The following CSMD3 variants were observed in gnomAD, a reference collection of about 807,000 sequenced individuals.
The protein encoded by CSMD3 is CUB and Sushi multiple domains 3, also known as CUB and sushi domain-containing protein 3.
CSMD3 carries 177 observed loss-of-function variants against 435.2 expected under a neutral mutation model. The ratio of observed to expected loss-of-function variants is 0.41; its 90% confidence interval spans 0.36 to 0.46. The LOEUF (loss-of-function observed/expected upper bound fraction) is 0.46, where lower values mean the gene tolerates loss of function less well. Among genes scored for constraint, CSMD3 ranks in the 20% least tolerant of loss-of-function variants. CSMD3 has a pLI of 0.34. For synonymous variants in CSMD3, 1,656 were observed against 1,520.5 expected, an observed-to-expected ratio of 1.09 and a Z score of -2.07; for missense variants, 4,265 against 4,504.6, an observed-to-expected ratio of 0.95 and a Z score of 1.52.
intron 19 of CSMD3, among the ~76,000 whole-genome samples, chr8:112,646,629 T>G (rs2074987564): frequency 6.6e-6 from 1 of 152,236 alleles, no homozygotes; most frequent in African/African-American, 2.4e-5. Context: ...ATTTAAACAT[T>G]TAGGAGGAAT....
intron 1 of CSMD3, among the ~76,000 whole-genome samples, chr8:113,406,642 G>C (rs1479885960): frequency 1.3e-5 from 2 of 151,706 alleles, no homozygotes; most frequent in Admixed American, 6.6e-5. Flanking sequence ...ATAAAATGAG[G>C]GTGTGCAGAG....
At chr8:113,107,514 C>A (rs1269243672) in intron 4 of CSMD3, among the ~76,000 whole-genome samples, 1 of 152,210 alleles carries the variant, frequency 6.6e-6, no homozygotes, top group Non-Finnish European at 1.5e-5. Flanking sequence ...GTTGACCCTG[C>A]AGAACCCATG....
intron 4 of CSMD3, among the ~76,000 whole-genome samples, chr8:113,167,742 A>G (rs139947298): frequency 0.01 from 1,533 of 152,306 alleles, 20 homozygotes; most frequent in African/African-American, 0.035. Flanking sequence ...CTGATAAAAT[A>G]ATTCCATTAC....
chr8:113,276,568 C>T (rs879561880), intron 3 of CSMD3, among the ~76,000 whole-genome samples: 4 of 152,012 alleles, frequency 2.6e-5, no homozygotes, highest in African/African-American at 4.8e-5. Flanking sequence ...AATCAGAATA[C>T]GCCAGAAAGT....
In CSMD3 at chr8:112,234,815, C is replaced by T. The variant is rs1346861383; in HGVS notation, c.10628-338G>A. Among the ~76,000 whole-genome samples, 3 of 152,102 alleles carry T rather than the reference C, an allele frequency of 2.0e-5. No individual in the cohort carries two copies. In the East Asian group the frequency reaches 5.8e-4, roughly 29 times the overall value. On this transcript the variant is annotated intron_variant, in intron 67 of 70. Transcript: ENST00000297405. Reference sequence around the variant, plus strand: ...ACAATCAGATTCTAAAATTTTCAAGCATACAAATCCAGTGTTAAAATTCCT... The same window carrying T: ...ACAATCAGATTCTAAAATTTTCAAGTATACAAATCCAGTGTTAAAATTCCT...
chr8:112,418,864 C>T (rs1424183983), intron 32 of CSMD3, among the ~76,000 whole-genome samples: 5 of 152,112 alleles, frequency 3.3e-5, no homozygotes, highest in African/African-American at 1.2e-4. Flanking sequence ...AAATTTCACA[C>T]CCAATGTCAT....
chr8:113,094,899 G>A (rs1203915343), intron 5 of CSMD3, among the ~76,000 whole-genome samples: 3 of 151,722 alleles, frequency 2.0e-5, no homozygotes, highest in Non-Finnish European at 4.4e-5. Context: ...GTGAAACCCC[G>A]TCTCTACTAA....
intron 9 of CSMD3, among the ~76,000 whole-genome samples, chr8:112,937,962 C>G (rs1194887741): frequency 6.6e-6 from 1 of 152,058 alleles, no homozygotes; most frequent in East Asian, 1.9e-4. Context: ...AAATTTTATT[C>G]AAGTCAAATG....
At chr8:113,269,042 A>G (rs1016606272) in intron 3 of CSMD3, among the ~76,000 whole-genome samples, 2 of 152,160 alleles carry the variant, frequency 1.3e-5, no homozygotes, top group Non-Finnish European at 2.9e-5. Flanking sequence ...CAAAATATAA[A>G]TGTCAAAATG....
At chr8:112,480,425 G>A (rs1487637110) in intron 31 of CSMD3, among the ~76,000 whole-genome samples, 1 of 152,090 alleles carries the variant, frequency 6.6e-6, no homozygotes, top group East Asian at 1.9e-4. Context: ...GATATGAGGG[G>A]CCAGGGGCAG....
intron 32 of CSMD3, among the ~76,000 whole-genome samples, chr8:112,424,209 G>C (rs985968590): frequency 6.6e-6 from 1 of 151,932 alleles, no homozygotes; most frequent in Admixed American, 6.6e-5. Flanking sequence ...CCAGATCGAC[G>C]GCCAATAGAG....
chr8:112,723,072 T>C (rs889059256), intron 13 of CSMD3, among the ~76,000 whole-genome samples: 7 of 151,510 alleles, frequency 4.6e-5, no homozygotes, highest in African/African-American at 1.7e-4. Context: ...AAGGTATTGA[T>C]AAAACGTAGT....
chr8:112,637,626 T>A (rs564555682), intron 21 of CSMD3, among the ~76,000 whole-genome samples: 2 of 152,166 alleles, frequency 1.3e-5, no homozygotes, highest in African/African-American at 2.4e-5. Flanking sequence ...GTCTTCAGGG[T>A]ATGAAAAGTA....
intron 70 of CSMD3, 138 bp downstream of exon 70, chr8:112,228,618 G>A: frequency 2.4e-6 from 2 of 845,794 alleles, no homozygotes; most frequent in South Asian, 1.5e-5. Flanking sequence ...ATTTTTCAGT[G>A]TCTATGACAA....
chr8:113,162,360 G>T (rs1431482228), intron 4 of CSMD3, among the ~76,000 whole-genome samples: 1 of 151,932 alleles, frequency 6.6e-6, no homozygotes, highest in Non-Finnish European at 1.5e-5. Context: ...GAGGTTGGGA[G>T]TTCGAGACCA....
In CSMD3 at chr8:112,978,102, A is replaced by C. The variant is rs144601495; in HGVS notation, c.1031-1954T>G. Reference sequence around the variant, plus strand: ...GACAGGAATATGAAATCAGAGTAAAAACTAATGCTTTAATATTTTTATAAC... The same window carrying C: ...GACAGGAATATGAAATCAGAGTAAACACTAATGCTTTAATATTTTTATAAC... On this transcript the variant is annotated intron_variant, in intron 6 of 70. Coordinates refer to ENST00000297405, the MANE Select transcript of CSMD3 (RefSeq NM_198123.2). Among the ~76,000 whole-genome samples the C allele has an allele frequency of 4.3e-3, 652 of 152,122 alleles. 6 individuals carry two copies. The highest frequency in any genetic ancestry group is 7.4e-3 in the Non-Finnish European group (500 of 67,970).
intron 4 of CSMD3, among the ~76,000 whole-genome samples, chr8:113,124,287 T>C (rs1346786255): frequency 2.0e-5 from 3 of 152,088 alleles, no homozygotes; most frequent in South Asian, 2.1e-4. Context: ...TTTTAAGAAT[T>C]ATCTCAGAGG....
intron 13 of CSMD3, among the ~76,000 whole-genome samples, chr8:112,698,523 C>G (rs1353187146): frequency 2.0e-5 from 3 of 151,802 alleles, no homozygotes. Context: ...AGGGGATGGA[C>G]AAGGAAAAAG....
chr8:113,124,199 A>G (rs1447906934), intron 4 of CSMD3, among the ~76,000 whole-genome samples: 2 of 152,020 alleles, frequency 1.3e-5, no homozygotes, highest in African/African-American at 4.8e-5. Flanking sequence ...ACAGTAAAGC[A>G]AGAGTGGGGT....
Sources: gnomAD v4.1 joint callset for allele counts (sites outside exome capture counted in the v4.1 genomes callset) on GRCh38, gnomAD v4.1.1 for gene constraint, MANE v1.5 for transcripts, NCBI Gene and HGNC (gene_info 2026-07-23, HGNC 2026-07-21) for gene names.